The following RAD51B variants were observed in gnomAD, a reference collection of about 807,000 sequenced individuals.
RAD51B encodes the protein DNA repair protein RAD51 homolog 2.
RAD51B carries 38 observed loss-of-function variants against 42.2 expected under a neutral mutation model. The ratio of observed to expected loss-of-function variants is 0.90; its 90% CI spans 0.70 to 1.18. The LOEUF (loss-of-function observed/expected upper bound fraction) is 1.18. Among genes scored for constraint, RAD51B ranks in the 50% most tolerant of loss-of-function variants. The pLI, the probability that RAD51B is intolerant of heterozygous loss-of-function variation, is 0.00. For missense variants in RAD51B, 373 were observed against 400.7 expected (o/e 0.93, Z 0.59); for synonymous variants, 154 against 145.2 (o/e 1.06, Z -0.43).
downstream of RAD51B, among the ~76,000 whole-genome samples, chr14:68,599,442 G>A (rs182721263): frequency 1.4e-3 from 216 of 152,260 alleles, no homozygotes; most frequent in Non-Finnish European, 1.7e-3. Context: ...TCCCAAATGG[G>A]TAGGACCAGA....
intron 10 of RAD51B, among the ~76,000 whole-genome samples, chr14:68,522,848 G>C (rs1170269467): frequency 6.6e-6 from 1 of 152,162 alleles, no homozygotes; most frequent in South Asian, 2.1e-4. Flanking sequence ...TGTGCCAAAA[G>C]AACATTATTT....
At chr14:68,610,147 C>T (rs1190232630) in intron 10 of RAD51B, among the ~76,000 whole-genome samples, 1 of 152,114 alleles carries the variant, frequency 6.6e-6, no homozygotes, top group Non-Finnish European at 1.5e-5. Context: ...TCTTCTCCTC[C>T]CCAAACCTCT....
intron 7 of RAD51B, among the ~76,000 whole-genome samples, chr14:68,227,665 T>C: frequency 6.6e-6 from 1 of 152,174 alleles, no homozygotes; most frequent in Admixed American, 6.5e-5. Flanking sequence ...CTTTTTAAAT[T>C]GTGCTTTTTT....
At chr14:68,660,050 G>A (rs1454139675) in intron 11 of RAD51B, among the ~76,000 whole-genome samples, 1 of 152,206 alleles carries the variant, frequency 6.6e-6, no homozygotes, top group Non-Finnish European at 1.5e-5. Flanking sequence ...AATAAGCCAT[G>A]GATTACGAAC....
chr14:68,147,804 T>TA (rs11398164), intron 7 of RAD51B, among the ~76,000 whole-genome samples: 112,931 of 145,170 alleles, frequency 0.78, 44,251 homozygotes, highest in East Asian at 0.97. Flanking sequence ...CAAGGGAAAT[T>TA]AAAAAAAAAA....
chr14:68,201,285 A>T (rs531940361), intron 7 of RAD51B, among the ~76,000 whole-genome samples: 67 of 152,326 alleles, frequency 4.4e-4, no homozygotes, highest in African/African-American at 1.5e-3. Flanking sequence ...TACAATTTTT[A>T]GCATGGTTTT....
chr14:67,904,034 C>T (rs1316780557), intron 7 of RAD51B, among the ~76,000 whole-genome samples: 1 of 152,108 alleles, frequency 6.6e-6, no homozygotes. Flanking sequence ...CATTAATTAG[C>T]CTAGGATAAT....
downstream of RAD51B, among the ~76,000 whole-genome samples, chr14:68,613,701 G>T (rs71425370): frequency 6.6e-6 from 1 of 151,298 alleles, no homozygotes; most frequent in Non-Finnish European, 1.5e-5. Flanking sequence ...TGATCCACCC[G>T]CCTTGACCTC....
chr14:67,968,268 A>T (rs1302990995), intron 7 of RAD51B, among the ~76,000 whole-genome samples: 1 of 152,088 alleles, frequency 6.6e-6, no homozygotes, highest in East Asian at 1.9e-4. Flanking sequence ...TGCCATGAAG[A>T]CCTATGACAT....
At chr14:67,821,150 T>C (rs932930463) in intron 1 of RAD51B, among the ~76,000 whole-genome samples, 1 of 152,226 alleles carries the variant, frequency 6.6e-6, no homozygotes, top group Non-Finnish European at 1.5e-5. Context: ...TCTGCTTCCA[T>C]AGCACTTTTA....
intron 8 of RAD51B, among the ~76,000 whole-genome samples, chr14:68,388,281 A>T (rs1166307273): frequency 1.3e-5 from 2 of 151,694 alleles, no homozygotes; most frequent in African/African-American, 4.8e-5. Context: ...TTTACTACAG[A>T]CGGGGTTTCT....
At chr14:68,446,393 C>G (rs1594850922) in intron 9 of RAD51B, among the ~76,000 whole-genome samples, 1 of 152,286 alleles carries the variant, frequency 6.6e-6, no homozygotes, top group East Asian at 1.9e-4. Flanking sequence ...TACCCCTTCT[C>G]TCATACCTAC....
intron 7 of RAD51B, among the ~76,000 whole-genome samples, chr14:68,267,466 A>G (rs549070614): frequency 7.2e-5 from 11 of 152,208 alleles, no homozygotes; most frequent in Admixed American, 1.3e-4. Context: ...AGTCAAATGA[A>G]AGAATTAGTC....
intron 9 of RAD51B, among the ~76,000 whole-genome samples, chr14:68,465,972 A>G (rs1196245802): frequency 6.6e-6 from 1 of 150,888 alleles, no homozygotes; most frequent in Non-Finnish European, 1.5e-5. Context: ...ATAAATAAAT[A>G]AATAAATAAA....
In RAD51B at chr14:67,967,954, C is replaced by T. The variant is rs188723660; in HGVS notation, c.756+80750C>T. On this transcript the variant is annotated intron_variant, in intron 7 of 10. Transcript: ENST00000471583. ...CTCCGTGAGGGCCCTGCTCCTGCAG[C>T]AAACTTTTGCCTGGGCATCCAGGTG... Among the ~76,000 whole-genome samples the T allele has an allele frequency of 2.6e-5, 4 of 152,364 alleles. No homozygotes were observed. In the East Asian group the frequency reaches 7.7e-4, roughly 29 times the overall value.
chr14:68,370,079 T>C (rs1199121493), intron 8 of RAD51B, among the ~76,000 whole-genome samples: 9 of 152,228 alleles, frequency 5.9e-5, no homozygotes, highest in Non-Finnish European at 1.5e-5. Context: ...TAGTGTTCCA[T>C]TAGTGGAACA....
intron 7 of RAD51B, among the ~76,000 whole-genome samples, chr14:68,173,164 A>G (rs1212379304): frequency 6.6e-6 from 1 of 152,188 alleles, no homozygotes; most frequent in Non-Finnish European, 1.5e-5. Context: ...AAATAAGTGT[A>G]CACTCATGTA....
chr14:68,460,071 G>A (rs1022267172), intron 9 of RAD51B, among the ~76,000 whole-genome samples: 2 of 152,188 alleles, frequency 1.3e-5, no homozygotes, highest in Admixed American at 1.3e-4. Flanking sequence ...CTGCTTTCCT[G>A]GGCCACATAG....
intron 7 of RAD51B, among the ~76,000 whole-genome samples, chr14:67,976,778 A>T (rs1157249422): frequency 1.3e-5 from 2 of 152,218 alleles, no homozygotes; most frequent in African/African-American, 2.4e-5. Context: ...GTGAACAGGC[A>T]TCGTACAGAA....
Sources: gnomAD v4.1 joint callset for allele counts (sites outside exome capture counted in the v4.1 genomes callset) on GRCh38, gnomAD v4.1.1 for gene constraint, MANE v1.5 for transcripts, NCBI Gene and HGNC (gene_info 2026-07-23, HGNC 2026-07-21) for gene names.